GALNT14: variants seen among roughly 807,000 people sequenced by gnomAD.
The protein encoded by GALNT14 is UDP-GalNAc:polypeptide N-acetylgalactosaminyltransferase 14.
In GALNT14, 60 loss-of-function variants were observed where a neutral mutation model predicts 77.5. The observed-to-expected ratio is 0.77, with a 90% confidence interval of 0.63 to 0.96. The LOEUF is 0.96. GALNT14 is among the 40% of genes least tolerant of loss of function. GALNT14 has a pLI of 0.00. For synonymous variants in GALNT14, 280 were observed against 281.7 expected (o/e 0.99, Z 0.06); for missense variants, 710 against 731.0 (o/e 0.97, Z 0.33).
At chr2:31,123,017 T>G (rs1678493014) in intron 1 of GALNT14, among the ~76,000 whole-genome samples, 1 of 151,760 alleles carries the variant, frequency 6.6e-6, no homozygotes, top group African/African-American at 2.4e-5. Flanking sequence ...CTGTCTCTAC[T>G]AAAAAATACA....
intron 2 of GALNT14, among the ~76,000 whole-genome samples, chr2:30,980,413 G>C (rs1327394138): frequency 6.6e-6 from 1 of 152,226 alleles, no homozygotes; most frequent in Non-Finnish European, 1.5e-5. Context: ...CCTGATGCCA[G>C]TACTAACTTG....
intron 3 of GALNT14, among the ~76,000 whole-genome samples, chr2:30,965,747 G>A (rs758506761): frequency 1.9e-4 from 29 of 152,298 alleles, no homozygotes; most frequent in Non-Finnish European, 1.0e-4. Context: ...GCTGCAGGCC[G>A]TTCTGATTTG....
At chr2:31,065,571 G>A (rs1334811154) in intron 1 of GALNT14, among the ~76,000 whole-genome samples, 1 of 152,178 alleles carries the variant, frequency 6.6e-6, no homozygotes, top group Non-Finnish European at 1.5e-5. Context: ...GCCAGCAAGA[G>A]GCCAGGAGGA....
intron 1 of GALNT14, among the ~76,000 whole-genome samples, chr2:31,001,104 C>G (rs1399055050): frequency 6.6e-6 from 1 of 152,136 alleles, no homozygotes; most frequent in Non-Finnish European, 1.5e-5. Context: ...GTTCTCGTCT[C>G]CATGTAGCCA....
intron 1 of GALNT14, among the ~76,000 whole-genome samples, chr2:30,999,656 T>C (rs1007423102): frequency 1.3e-5 from 2 of 152,230 alleles, no homozygotes; most frequent in African/African-American, 4.8e-5. Flanking sequence ...CAACGTCTCA[T>C]GGACAGATGT....
chr2:30,909,910 G>T (rs1664259016), downstream of GALNT14, among the ~76,000 whole-genome samples: 1 of 151,850 alleles, frequency 6.6e-6, no homozygotes, highest in African/African-American at 2.4e-5. Flanking sequence ...GTCCTTTGTA[G>T]GGACATGGAT....
At chr2:31,115,816 C>T (rs1403610956) in intron 1 of GALNT14, among the ~76,000 whole-genome samples, 21 of 152,158 alleles carry the variant, frequency 1.4e-4, no homozygotes, top group Non-Finnish European at 1.5e-5. Flanking sequence ...AGGAGGATCA[C>T]TCTAGGTGAG....
At chr2:31,071,617 C>A (rs1675372904) in intron 1 of GALNT14, among the ~76,000 whole-genome samples, 1 of 152,084 alleles carries the variant, frequency 6.6e-6, no homozygotes, top group Non-Finnish European at 1.5e-5. Flanking sequence ...TCCTGCCCTG[C>A]CTGATGACCT....
At chr2:31,057,761 C>T (rs528525084) in intron 1 of GALNT14, among the ~76,000 whole-genome samples, 1 of 152,178 alleles carries the variant, frequency 6.6e-6, no homozygotes, top group East Asian at 1.9e-4. Flanking sequence ...GGCCCCTTCC[C>T]CCATACATTC....
downstream of GALNT14, among the ~76,000 whole-genome samples, chr2:30,910,137 C>G (rs1359161314): frequency 6.6e-6 from 1 of 151,312 alleles, no homozygotes; most frequent in African/African-American, 2.4e-5. Context: ...GTGCAGTGCA[C>G]CAGCATGGCA....
chr2:31,003,877 G>A (rs569531780), intron 1 of GALNT14, among the ~76,000 whole-genome samples: 15 of 152,334 alleles, frequency 9.8e-5, no homozygotes, highest in Middle Eastern at 6.8e-3. Context: ...GAGGTGCCAG[G>A]GAAGTCTAAG....
chr2:30,933,680 A>T (rs1665883152), intron 9 of GALNT14, among the ~76,000 whole-genome samples: 1 of 152,182 alleles, frequency 6.6e-6, no homozygotes, highest in Non-Finnish European at 1.5e-5. Context: ...ACTTCTCATG[A>T]CTGCTACTGA....
chr2:31,092,209 T>C (rs1322014211), intron 1 of GALNT14, among the ~76,000 whole-genome samples: 1 of 152,062 alleles, frequency 6.6e-6, no homozygotes, highest in Non-Finnish European at 1.5e-5. Context: ...GACAGTCTAT[T>C]GTGGGACCTC....
chr2:30,958,368 C>T, intron 4 of GALNT14, 29 bp downstream of exon 4: 2 of 1,601,076 alleles, frequency 1.2e-6, no homozygotes, highest in Non-Finnish European at 1.7e-6. Context: ...ACATTCGTGT[C>T]TAAAGAGCAA....
chr2:30,986,563 T>G (rs1230397626), intron 2 of GALNT14, among the ~76,000 whole-genome samples: 1 of 152,216 alleles, frequency 6.6e-6, no homozygotes, highest in African/African-American at 2.4e-5. Flanking sequence ...TGTATTGAAA[T>G]GTAATTGTGG....
intron 1 of GALNT14, among the ~76,000 whole-genome samples, chr2:31,103,659 T>C (rs1224378855): frequency 6.6e-6 from 1 of 152,196 alleles, no homozygotes; most frequent in Non-Finnish European, 1.5e-5. Flanking sequence ...CTCTCAATTA[T>C]ACCTTTTTAC....
chr2:31,032,609 A>G (rs1672486074), intron 1 of GALNT14, among the ~76,000 whole-genome samples: 2 of 152,186 alleles, frequency 1.3e-5, no homozygotes, highest in Non-Finnish European at 1.5e-5. Flanking sequence ...GACCAAGTGC[A>G]CAACTTGATT....
chr2:30,912,173 C>G, intron 14 of GALNT14, 50 bp downstream of exon 14: 1 of 1,604,846 alleles, frequency 6.2e-7, no homozygotes, highest in African/African-American at 1.3e-5. Flanking sequence ...CCTCAACAGG[C>G]AGTCACATTA....
intron 1 of GALNT14, among the ~76,000 whole-genome samples, chr2:31,005,514 A>T (rs1356472912): frequency 3.3e-5 from 5 of 152,238 alleles, no homozygotes; most frequent in Non-Finnish European, 5.9e-5. Flanking sequence ...TGCTTGGTAA[A>T]ACATAATGCA....
Sources: gnomAD v4.1 joint callset for allele counts (sites outside exome capture counted in the v4.1 genomes callset) on GRCh38, gnomAD v4.1.1 for gene constraint, MANE v1.5 for transcripts, NCBI Gene and HGNC (gene_info 2026-07-23, HGNC 2026-07-21) for gene names.